Variants in PCTP observed in about 807,000 individuals in gnomAD.
The protein encoded by PCTP is START domain-containing protein 2.
Under a neutral mutation model 31.0 loss-of-function variants are expected in PCTP, and 27 were observed. The observed-to-expected ratio is 0.87, with a 90% confidence interval of 0.64 to 1.20. The LOEUF is 1.20. PCTP is among the 50% of genes most tolerant of loss of function. PCTP has a pLI of 0.00. For synonymous variants in PCTP, 108 were observed against 101.2 expected (o/e 1.07, Z -0.40); for missense variants, 287 against 268.2 (o/e 1.07, Z -0.49).
At chr17:55,756,752 T>C (rs1910048931) in intron 1 of PCTP, among the ~76,000 whole-genome samples, 2 of 151,946 alleles carry the variant, frequency 1.3e-5, no homozygotes, top group South Asian at 2.1e-4. Flanking sequence ...TATATATGTA[T>C]ATATATATTT....
chr17:55,773,209 G>A (rs191030251), intron 3 of PCTP, among the ~76,000 whole-genome samples: 1 of 152,282 alleles, frequency 6.6e-6, no homozygotes, highest in African/African-American at 2.4e-5. Context: ...CATTTACTAT[G>A]CATAAAGGTC....
In PCTP at chr17:55,753,878, T is replaced by A. The variant is rs180900656; in HGVS notation, c.141+2634T>A. On this transcript the variant is annotated intron_variant, in intron 1 of 5. Transcript: ENST00000268896. Reference sequence around the variant, plus strand: ...CATCTGCCCATGAAGCCCCTACTCTTTCCCCAAGCCACACACACTCTTTTT... The same window carrying A: ...CATCTGCCCATGAAGCCCCTACTCTATCCCCAAGCCACACACACTCTTTTT... Among the ~76,000 whole-genome samples the A allele has an allele frequency of 2.4e-4, 36 of 152,274 alleles. 1 individual carries two copies. Among genetic ancestry groups the A allele is most frequent in the Non-Finnish European group, 4.7e-4 (32 of 68,004 alleles).
chr17:55,754,408 T>C (rs528296253), intron 1 of PCTP, among the ~76,000 whole-genome samples: 2 of 152,342 alleles, frequency 1.3e-5, no homozygotes, highest in South Asian at 2.1e-4. Flanking sequence ...AGTATACAGA[T>C]GCATAAGATG....
At chr17:55,797,305 G>A (rs1912217982) in intron 3 of PCTP, among the ~76,000 whole-genome samples, 1 of 151,960 alleles carries the variant, frequency 6.6e-6, no homozygotes, top group Admixed American at 6.6e-5. Context: ...TAAAAGGAGA[G>A]GTGCAGAGAT....
chr17:55,851,349 T>C, the PCTP span, among the ~76,000 whole-genome samples: 1 of 152,070 alleles, frequency 6.6e-6, no homozygotes, highest in Non-Finnish European at 1.5e-5. Flanking sequence ...TTTTAGAATA[T>C]TTCTAAAACA....
At chr17:55,819,957 C>G (rs1030269857) in intron 3 of PCTP, among the ~76,000 whole-genome samples, 5 of 152,052 alleles carry the variant, frequency 3.3e-5, no homozygotes, top group Non-Finnish European at 7.4e-5. Flanking sequence ...ACTGAGACAA[C>G]CGGATATCCA....
chr17:55,811,501 A>C (rs982404459), intron 3 of PCTP, among the ~76,000 whole-genome samples: 2 of 152,194 alleles, frequency 1.3e-5, no homozygotes, highest in African/African-American at 4.8e-5. Context: ...CACCCAGAAC[A>C]ATTTCTCATT....
intron 3 of PCTP, among the ~76,000 whole-genome samples, chr17:55,820,265 T>C (rs1461543124): frequency 6.6e-6 from 1 of 152,232 alleles, no homozygotes; most frequent in African/African-American, 2.4e-5. Flanking sequence ...CTGCAAATCA[T>C]ATATCTGATA....
intron 5 of PCTP, among the ~76,000 whole-genome samples, chr17:55,829,689 A>AACAC (rs3083340): frequency 0.17 from 24,247 of 146,108 alleles, 2,032 homozygotes; most frequent in East Asian, 0.33. Context: ...TAATAATTTA[A>AACAC]ACACACACAC....
chr17:55,796,332 T>C (rs1432852805), intron 3 of PCTP, among the ~76,000 whole-genome samples: 1 of 152,022 alleles, frequency 6.6e-6, no homozygotes, highest in Non-Finnish European at 1.5e-5. Context: ...GGGATATATC[T>C]CTGGTAGCAC....
At chr17:55,781,113 C>T (rs953896620), downstream of PCTP, among the ~76,000 whole-genome samples, 3 of 152,156 alleles carry the variant, frequency 2.0e-5, no homozygotes, top group African/African-American at 7.2e-5. Context: ...AGCTCAAATC[C>T]TCCTCATCTA....
chr17:55,779,943 C>T (rs1451815712), downstream of PCTP, among the ~76,000 whole-genome samples: 1 of 152,198 alleles, frequency 6.6e-6, no homozygotes, highest in African/African-American at 2.4e-5. Flanking sequence ...CATACCCTCC[C>T]ACACATCTGC....
intron 5 of PCTP, among the ~76,000 whole-genome samples, chr17:55,832,382 A>G (rs1905631119): frequency 6.6e-6 from 1 of 152,236 alleles, no homozygotes; most frequent in Non-Finnish European, 1.5e-5. Context: ...GGACGTTTGA[A>G]GGGGGAAAAG....
intron 1 of PCTP, among the ~76,000 whole-genome samples, chr17:55,754,502 G>A (rs1169630035): frequency 1.3e-5 from 2 of 152,230 alleles, no homozygotes; most frequent in African/African-American, 2.4e-5. Flanking sequence ...CAGCTATCCA[G>A]AAACTCTCTG....
intron 3 of PCTP, among the ~76,000 whole-genome samples, chr17:55,809,195 A>G (rs1453144241): frequency 2.0e-5 from 3 of 152,230 alleles, no homozygotes; most frequent in East Asian, 1.9e-4. Context: ...TATAGTCTTC[A>G]AAATAGTGGT....
rs1013234176 is a variant in PCTP at position 55,751,153 on chromosome 17, G to T, written c.50G>T (p.Cys17Phe). 8.4e-6 allele frequency: 13 copies of T among 1,547,984 alleles called. No individual in the cohort carries two copies. The African/African-American group carries it at 1.5e-4, about 18-fold the overall frequency. ...TCGGAGGAGCAGTTCTGGGAGGCCT[G>T]CGCCGAGCTCCAGCAGCCCGCTCTG... Reference protein sequence around the residue: ...SFSEEQFWEACAELQQPALAG... With the variant: ...SFSEEQFWEAFAELQQPALAG... Residue 17 changes from cysteine (C) to phenylalanine (F), a missense_variant, in exon 1 of 6, where the codon TGC becomes TTC. Coordinates refer to ENST00000268896, the MANE Select transcript of PCTP (RefSeq NM_021213.4).
At chr17:55,820,530 C>G (rs1218563323) in intron 3 of PCTP, among the ~76,000 whole-genome samples, 4 of 152,118 alleles carry the variant, frequency 2.6e-5, no homozygotes, top group Non-Finnish European at 5.9e-5. Context: ...TAATCTCATT[C>G]ACGAGGATTC....
chr17:55,808,717 T>C (rs1912653013), intron 3 of PCTP, among the ~76,000 whole-genome samples: 1 of 152,178 alleles, frequency 6.6e-6, no homozygotes, highest in African/African-American at 2.4e-5. Flanking sequence ...TTAATCCTGC[T>C]GTAACTAAGG....
chr17:55,790,818 T>G (rs1911936834), intron 3 of PCTP, among the ~76,000 whole-genome samples: 7 of 149,196 alleles, frequency 4.7e-5, no homozygotes, highest in African/African-American at 1.8e-4. Flanking sequence ...AAAGTTCATA[T>G]GGAACCAAAA....
Sources: gnomAD v4.1 joint callset for allele counts (sites outside exome capture counted in the v4.1 genomes callset) on GRCh38, gnomAD v4.1.1 for gene constraint, MANE v1.5 for transcripts, NCBI Gene and HGNC (gene_info 2026-07-23, HGNC 2026-07-21) for gene names.